The following SPAG17 variants were observed in gnomAD, a reference collection of about 807,000 sequenced individuals.
SPAG17 encodes sperm associated antigen 17.
A neutral mutation model predicts 273.6 loss-of-function variants in SPAG17; 169 were observed. The ratio of observed to expected loss-of-function variants is 0.62; its 90% CI spans 0.55 to 0.70. The LOEUF (loss-of-function observed/expected upper bound fraction) is 0.70, where lower values mean the gene tolerates loss of function less well. Ranked by LOEUF, SPAG17 falls within the 30% of genes least tolerant of loss-of-function variation. The probability of loss-of-function intolerance (pLI) is 0.00; values close to 1 mark genes in which losing one functional copy is unlikely to be tolerated. For synonymous variants in SPAG17, 825 were observed against 873.2 expected (o/e 0.94, Z 0.97); for missense variants, 2,557 against 2,627.8 (o/e 0.97, Z 0.59).
At chr1:117,988,329 T>C (rs986677052) in intron 38 of SPAG17, 125 bp from the exon 39 acceptor site, 1 of 593,868 alleles carries the variant, frequency 1.7e-6, no homozygotes, top group African/African-American at 1.9e-5. Flanking sequence ...AAGTGTTTAC[T>C]AGGACTTACA....
intron 3 of SPAG17, among the ~76,000 whole-genome samples, chr1:118,142,659 T>G (rs1658744428): frequency 6.6e-6 from 1 of 152,206 alleles, no homozygotes; most frequent in Non-Finnish European, 1.5e-5. Context: ...CTATCCCATG[T>G]AATCACCACT....
Position 118,073,907 on chromosome 1 carries a change from T to C in SPAG17, c.2332A>G (p.Ser778Gly). Residue 778 changes from serine to glycine, a missense_variant, in exon 17 of 49, where the codon AGT (serine) becomes GGT (glycine). By Grantham distance (56) the Ser-to-Gly change is moderately conservative. Transcript: ENST00000336338. ...LEDIKKTQQR[S>G]LMDWSFTEHF... ...TCAGTAAAACTCCAGTCCATTAGACTGCGCTGCTGTGTTTTCTTTATGTCC... is the reference window on the plus strand; with the variant it reads ...TCAGTAAAACTCCAGTCCATTAGACCGCGCTGCTGTGTTTTCTTTATGTCC... The C allele has an allele frequency of 6.4e-7, 1 of 1,574,544 alleles. No homozygotes were observed. Among genetic ancestry groups the C allele is most frequent in the South Asian group, 1.2e-5 (1 of 84,028 alleles).
At chr1:118,085,427 C>T (rs943498234) in intron 13 of SPAG17, among the ~76,000 whole-genome samples, 1 of 152,202 alleles carries the variant, frequency 6.6e-6, no homozygotes, top group African/African-American at 2.4e-5. Context: ...GTAATTTTTA[C>T]ATGATTTGCA....
intron 2 of SPAG17, 36 bp from the exon 3 acceptor site, chr1:118,150,665 G>T: frequency 1.6e-6 from 2 of 1,236,412 alleles, no homozygotes. Context: ...GATGAAAAAA[G>T]CCTTATTTGA....
At chr1:118,024,724 C>T (rs1647529726) in intron 27 of SPAG17, among the ~76,000 whole-genome samples, 1 of 151,954 alleles carries the variant, frequency 6.6e-6, no homozygotes, top group Middle Eastern at 3.4e-3. Context: ...GGGGAACTAC[C>T]CTCATTTTCT....
intron 8 of SPAG17, among the ~76,000 whole-genome samples, chr1:118,092,907 T>A (rs1655476580): frequency 6.6e-6 from 1 of 152,214 alleles, no homozygotes; most frequent in African/African-American, 2.4e-5. Context: ...TTTGTCAATA[T>A]CTTTCCTGTC....
intron 10 of SPAG17, among the ~76,000 whole-genome samples, chr1:118,090,709 C>G (rs1052469818): frequency 6.6e-6 from 1 of 151,920 alleles, no homozygotes; most frequent in African/African-American, 2.4e-5. Flanking sequence ...CATAGCAAGG[C>G]CTTGTCTCTC....
chr1:118,163,826 A>G (rs1488276753), intron 1 of SPAG17, among the ~76,000 whole-genome samples: 5 of 151,806 alleles, frequency 3.3e-5, no homozygotes, highest in Admixed American at 3.3e-4. Flanking sequence ...CTCCCACTAC[A>G]CTTCTTCCCT....
intron 48 of SPAG17, chr1:117,960,865 A>G (rs1188362040): frequency 6.6e-6 from 1 of 152,262 alleles, no homozygotes; most frequent in African/African-American, 2.4e-5. Context: ...GCAGTAAATG[A>G]TAAAATAGTC....
chr1:118,141,045 T>G (rs1021780308), intron 3 of SPAG17, among the ~76,000 whole-genome samples: 1 of 152,186 alleles, frequency 6.6e-6, no homozygotes, highest in African/African-American at 2.4e-5. Flanking sequence ...CTCCAAACAC[T>G]CAGCCTACAG....
Position 118,047,214 on chromosome 1 carries a change from C to T in SPAG17, c.2815-5172G>A, listed in dbSNP as rs189138901. On this transcript the variant is annotated intron_variant, in intron 20 of 48. Coordinates refer to ENST00000336338, the MANE Select transcript of SPAG17 (RefSeq NM_206996.4). ...TCCTCAATTCTTTTTAAAGTCAACA[C>T]AGAGTGACATCAGCAAGATGGTGGA... 1.5e-4 allele frequency among the ~76,000 whole-genome samples: 23 copies of T among 152,242 alleles called. No individual in the cohort carries two copies. In the East Asian group the frequency reaches 4.2e-3, roughly 28 times the overall value.
rs1437318633 is a variant in SPAG17, at chr1:118,081,224, G to C, written c.2086C>G (p.Gln696Glu). Reference sequence around the variant, plus strand: ...TGCTTCATATTGTTAGCATCACACTGACTAGGATCTGAAGGTTCTCGGTTG... The same window carrying C: ...TGCTTCATATTGTTAGCATCACACTCACTAGGATCTGAAGGTTCTCGGTTG... ...ESNREPSDPS[Q>E]CDANNMKHSD... The change falls in exon 15 of 49, where the codon CAG (glutamine) becomes GAG (glutamate). Residue 696 changes from glutamine to glutamate, a missense_variant. Gln to Glu is a conservative substitution (Grantham distance 29, BLOSUM62 2). Coordinates refer to ENST00000336338, the MANE Select transcript of SPAG17 (RefSeq NM_206996.4). 2.5e-6 allele frequency: 4 copies of C among 1,613,860 alleles called. No homozygotes were observed. The Admixed American group carries it at 6.7e-5, about 27-fold the overall frequency.
At chr1:118,034,419 A>G (rs1464410524) in intron 24 of SPAG17, among the ~76,000 whole-genome samples, 1 of 152,210 alleles carries the variant, frequency 6.6e-6, no homozygotes, top group East Asian at 1.9e-4. Flanking sequence ...ACACTACTGG[A>G]CTTTTACACA....
chr1:117,973,328 A>G, intron 44 of SPAG17, 97 bp downstream of exon 44: 1 of 1,472,008 alleles, frequency 6.8e-7, no homozygotes, highest in Non-Finnish European at 9.2e-7. Context: ...GAATTACATA[A>G]AATCTACAAA....
At chr1:117,968,030 A>G (rs747310073) in intron 46 of SPAG17, among the ~76,000 whole-genome samples, 2 of 152,256 alleles carry the variant, frequency 1.3e-5, no homozygotes, top group Non-Finnish European at 2.9e-5. Context: ...CTTCTCCTCC[A>G]AGTCCAGCAG....
chr1:118,005,633 T>TA, intron 31 of SPAG17, 31 bp from the exon 32 acceptor site: 1 of 1,375,070 alleles, frequency 7.3e-7, no homozygotes, highest in Non-Finnish European at 9.5e-7. Context: ...CAGAAATTAT[T>TA]AAAATTTTCT....
chr1:118,168,457 T>C (rs1273916), intron 1 of SPAG17, among the ~76,000 whole-genome samples: 38,838 of 152,030 alleles, frequency 0.26, 5,398 homozygotes, highest in East Asian at 0.46. Context: ...GACCAATGAG[T>C]TGGCTGATTC....
At chr1:118,023,063 G>T (rs1362497586) in intron 28 of SPAG17, among the ~76,000 whole-genome samples, 1 of 152,080 alleles carries the variant, frequency 6.6e-6, no homozygotes, top group Non-Finnish European at 1.5e-5. Context: ...TACCTGATGT[G>T]CAAGAATGTA....
chr1:118,026,134 C>A (rs1008451178), intron 26 of SPAG17, among the ~76,000 whole-genome samples: 11 of 150,060 alleles, frequency 7.3e-5, no homozygotes, highest in Non-Finnish European at 1.2e-4. Flanking sequence ...GGGGAAGTCA[C>A]CCCCTCAGGC....
Sources: gnomAD v4.1 joint callset for allele counts (sites outside exome capture counted in the v4.1 genomes callset) on GRCh38, gnomAD v4.1.1 for gene constraint, MANE v1.5 for transcripts, NCBI Gene and HGNC (gene_info 2026-07-23, HGNC 2026-07-21) for gene names.